Variants in DPP6 observed in about 807,000 individuals in gnomAD.
The protein encoded by DPP6 is dipeptidyl peptidase like 6.
Under a neutral mutation model 122.6 loss-of-function variants are expected in DPP6, and 69 were observed. The ratio of observed to expected loss-of-function variants is 0.56; its 90% CI spans 0.46 to 0.69. The LOEUF (loss-of-function observed/expected upper bound fraction) is 0.69, where lower values mean the gene tolerates loss of function less well. Among genes scored for constraint, DPP6 ranks in the 30% least tolerant of loss-of-function variants. The pLI is 0.00. For missense variants in DPP6, 928 were observed against 1,116.9 expected, an observed-to-expected ratio of 0.83 and a Z score of 2.41; for synonymous variants, 418 against 433.1, an observed-to-expected ratio of 0.97 and a Z score of 0.43.
intron 1 of DPP6, among the ~76,000 whole-genome samples, chr7:153,923,339 C>T (rs148034004): frequency 5.9e-5 from 9 of 152,228 alleles, no homozygotes; most frequent in South Asian, 4.1e-4. Flanking sequence ...TGTATGTGCA[C>T]GTATTTTCTA....
At chr7:154,644,273 G>A (rs768545355) in intron 6 of DPP6, among the ~76,000 whole-genome samples, 13 of 152,290 alleles carry the variant, frequency 8.5e-5, no homozygotes, top group East Asian at 1.9e-4. Context: ...ATGGTGGGTC[G>A]GGAGCTCAGC....
intron 1 of DPP6, among the ~76,000 whole-genome samples, chr7:154,331,451 TCACC>T (rs1808933606): frequency 6.6e-6 from 1 of 152,164 alleles, no homozygotes; most frequent in African/African-American, 2.4e-5. Context: ...AAGAAAGAAC[TCACC>T]TTTGTAAATG....
intron 1 of DPP6, among the ~76,000 whole-genome samples, chr7:154,116,605 T>C (rs1807004608): frequency 6.6e-6 from 1 of 152,258 alleles, no homozygotes; most frequent in African/African-American, 2.4e-5. Context: ...GTTCGAGATA[T>C]AAATATCCCT....
At chr7:154,842,925 T>G (rs1801665674) in intron 16 of DPP6, among the ~76,000 whole-genome samples, 1 of 152,234 alleles carries the variant, frequency 6.6e-6, no homozygotes, top group Non-Finnish European at 1.5e-5. Flanking sequence ...GAGGCAGGCT[T>G]ATTTATCAAG....
chr7:154,304,728 G>A (rs1806141066), intron 1 of DPP6, among the ~76,000 whole-genome samples: 1 of 152,216 alleles, frequency 6.6e-6, no homozygotes, highest in Non-Finnish European at 1.5e-5. Context: ...TCAACAACCA[G>A]TGTTCCTGCC....
At chr7:154,714,082 A>C (rs1841345973) in intron 7 of DPP6, among the ~76,000 whole-genome samples, 1 of 152,216 alleles carries the variant, frequency 6.6e-6, no homozygotes, top group Admixed American at 6.5e-5. Flanking sequence ...TCTTTACTTC[A>C]GTTCCCAACA....
chr7:154,307,864 CT>C (rs10718595), intron 1 of DPP6, among the ~76,000 whole-genome samples: 13,213 of 133,252 alleles, frequency 0.099, 639 homozygotes, highest in East Asian at 0.2. Context: ...GAATATGTTT[CT>C]TTTTTTTTTT....
chr7:153,869,885 T>G, the DPP6 span, among the ~76,000 whole-genome samples: 1 of 152,114 alleles, frequency 6.6e-6, no homozygotes, highest in African/African-American at 2.4e-5. Flanking sequence ...GTCTGTAAAG[T>G]ATTTTATTTC....
chr7:154,377,664 G>C (rs1461894486), intron 1 of DPP6, among the ~76,000 whole-genome samples: 1 of 152,108 alleles, frequency 6.6e-6, no homozygotes, highest in East Asian at 1.9e-4. Flanking sequence ...ACTGTGGTAA[G>C]ACGTGCCTTG....
chr7:154,864,794 G>A (rs564313479), intron 17 of DPP6, among the ~76,000 whole-genome samples: 15 of 152,316 alleles, frequency 9.8e-5, no homozygotes, highest in African/African-American at 3.4e-4. Flanking sequence ...GTATTCACAC[G>A]CAGCCTGTGT....
intron 7 of DPP6, among the ~76,000 whole-genome samples, chr7:154,727,176 TTAA>T (rs1160982384): frequency 6.6e-6 from 1 of 152,204 alleles, no homozygotes; most frequent in African/African-American, 2.4e-5. Flanking sequence ...AAAAAGAGGT[TTAA>T]TTGACTCATG....
chr7:154,475,278 A>AT (rs1822632440), intron 3 of DPP6: 1 of 467,926 alleles, frequency 2.1e-6, no homozygotes, highest in Admixed American at 3.0e-5. Context: ...TTAATGAGAA[A>AT]TGGGTCTGCT....
intron 18 of DPP6, 63 bp from the exon 19 acceptor site, chr7:154,872,561 C>T: frequency 6.5e-7 from 1 of 1,547,348 alleles, no homozygotes. Context: ...CACCCAAGGG[C>T]ATGCCCGATA....
At chr7:153,925,790 C>T (rs1352846453) in intron 1 of DPP6, among the ~76,000 whole-genome samples, 1 of 152,330 alleles carries the variant, frequency 6.6e-6, no homozygotes, top group East Asian at 1.9e-4. Flanking sequence ...AAAGTGGCTT[C>T]CCTAATCTTT....
intron 1 of DPP6, among the ~76,000 whole-genome samples, chr7:154,183,182 A>T (rs1052257611): frequency 6.6e-6 from 1 of 152,022 alleles, no homozygotes; most frequent in African/African-American, 2.4e-5. Flanking sequence ...CTTTGGTTTC[A>T]TGAAGCTGAT....
intron 1 of DPP6, among the ~76,000 whole-genome samples, chr7:153,913,259 G>C (rs1195624212): frequency 6.6e-6 from 1 of 152,104 alleles, no homozygotes; most frequent in African/African-American, 2.4e-5. Context: ...ACTTTTAGTA[G>C]AGACAGGGTA....
intron 2 of DPP6, among the ~76,000 whole-genome samples, chr7:154,455,672 G>A (rs1820761659): frequency 1.3e-5 from 2 of 152,084 alleles, no homozygotes; most frequent in Admixed American, 6.5e-5. Context: ...ACTACTAGGT[G>A]CATCTCGCTT....
At chr7:154,694,431 G>C (rs1840099066) in intron 7 of DPP6, among the ~76,000 whole-genome samples, 1 of 152,138 alleles carries the variant, frequency 6.6e-6, no homozygotes, top group African/African-American at 2.4e-5. Context: ...GGCCAACATG[G>C]GGAAACCCCG....
At chr7:154,679,732 G>T (rs918365313) in intron 7 of DPP6, among the ~76,000 whole-genome samples, 6 of 152,208 alleles carry the variant, frequency 3.9e-5, no homozygotes, top group Admixed American at 3.9e-4. Flanking sequence ...TAATCAGCTT[G>T]GGTTAATTTG....
Sources: allele counts gnomAD v4.1 joint callset (sites outside exome capture counted in the v4.1 genomes callset), GRCh38; gene constraint gnomAD v4.1.1; transcripts MANE v1.5; gene names NCBI Gene and HGNC (gene_info 2026-07-23, HGNC 2026-07-21).